Variants in SH3KBP1 observed in about 807,000 individuals in gnomAD.
The protein encoded by SH3KBP1 is SH3 domain containing kinase binding protein 1.
SH3KBP1 carries 8 observed loss-of-function variants against 50.1 expected under a neutral mutation model. The ratio of observed to expected loss-of-function variants is 0.16; its 90% CI spans 0.09 to 0.29. SH3KBP1 has a LOEUF of 0.29. Ranked by LOEUF, SH3KBP1 falls within the 10% of genes least tolerant of loss-of-function variation. The probability of loss-of-function intolerance (pLI) is 1.00; values close to 1 mark genes in which losing one functional copy is unlikely to be tolerated. For synonymous variants in SH3KBP1, 227 were observed against 218.6 expected (o/e 1.04, Z -0.34); for missense variants, 377 against 535.2 (o/e 0.70, Z 2.92).
At chrX:19,886,466 A>G (rs1306653624) in intron 1 of SH3KBP1, among the ~76,000 whole-genome samples, 1 of 112,025 alleles carries the variant, frequency 8.9e-6, no homozygotes. Context: ...CCTTGCCAAT[A>G]AAGTGGCAGC....
chrX:19,737,214 A>T (rs1482406381), intron 3 of SH3KBP1, among the ~76,000 whole-genome samples: 1 of 111,256 alleles, frequency 9.0e-6, no homozygotes, highest in Non-Finnish European at 1.9e-5. Flanking sequence ...ACCTGGCCTG[A>T]TTACCTTTCA....
intron 2 of SH3KBP1, among the ~76,000 whole-genome samples, chrX:19,822,004 T>C (rs190558551): frequency 1.8e-5 from 2 of 112,698 alleles, no homozygotes; most frequent in East Asian, 5.5e-4. Context: ...TGTTGTACAC[T>C]TCCTTCTGGA....
At chrX:19,622,808 C>T (rs1362364133) in intron 8 of SH3KBP1, among the ~76,000 whole-genome samples, 1 of 111,970 alleles carries the variant, frequency 8.9e-6, no homozygotes, top group Non-Finnish European at 1.9e-5. Flanking sequence ...TTTGGGAGGC[C>T]AAGGCAGGCG....
At chrX:19,775,981 G>A (rs2065958006) in intron 2 of SH3KBP1, among the ~76,000 whole-genome samples, 1 of 111,240 alleles carries the variant, frequency 9.0e-6, no homozygotes, top group African/African-American at 3.3e-5. Context: ...CCAAGAATAA[G>A]ATGTTGTCCT....
chrX:19,703,807 TAATA>T (rs1174864715), intron 4 of SH3KBP1, among the ~76,000 whole-genome samples: 1 of 104,805 alleles, frequency 9.5e-6, no homozygotes, highest in Non-Finnish European at 2.0e-5. Flanking sequence ...AATAAAAATA[TAATA>T]TATACATACA....
At chrX:19,804,495 T>C (rs964618991) in intron 2 of SH3KBP1, among the ~76,000 whole-genome samples, 1 of 111,575 alleles carries the variant, frequency 9.0e-6, no homozygotes, top group Non-Finnish European at 1.9e-5. Context: ...CATGTAGTTT[T>C]GGAGTGGAAG....
At chrX:19,625,609 G>A (rs1280821414) in intron 8 of SH3KBP1, among the ~76,000 whole-genome samples, 1 of 111,937 alleles carries the variant, frequency 8.9e-6, no homozygotes, top group African/African-American at 3.2e-5. Flanking sequence ...CTAACAGATC[G>A]GAAACATAGA....
intron 1 of SH3KBP1, among the ~76,000 whole-genome samples, chrX:19,857,797 A>C (rs1253327233): frequency 9.0e-6 from 1 of 111,593 alleles, no homozygotes; most frequent in African/African-American, 3.3e-5. Flanking sequence ...AAACGGCCTT[A>C]ATTAAAGATG....
Position 19,643,320 on chromosome X carries a change from TTA to T in SH3KBP1, c.802+2078_802+2079del, listed in dbSNP as rs1459885654. Among the ~76,000 whole-genome samples the T allele has an allele frequency of 3.8e-4, 33 of 86,720 alleles. 3 individuals carry two copies. The highest frequency in any genetic ancestry group is 1.6e-3 in the African/African-American group (24 of 15,395). The allele number at this position is 86,720 out of a possible 115,157, so 75.3% of individuals were successfully genotyped here. A position where few individuals can be genotyped will look rare whatever the true frequency, so the allele number is the denominator to read the frequency against. ...GAAGAATTTTTTATTTTTTTTTTTT[TTA>T]TTTTTTTTTTTTTTTGAGACAGGGT... On this transcript the variant is annotated intron_variant, in intron 7 of 17. Coordinates refer to ENST00000397821, the MANE Select transcript of SH3KBP1 (RefSeq NM_031892.3).
intron 1 of SH3KBP1, among the ~76,000 whole-genome samples, chrX:19,878,489 TG>T (rs2069321898): frequency 2.5e-5 from 2 of 80,550 alleles, no homozygotes; most frequent in Non-Finnish European, 4.3e-5. Flanking sequence ...TGTGTGTGTG[TG>T]TGTGTGTGTG....
rs185156130 is a variant in SH3KBP1 at position 19,706,600 on chromosome X, A to C, written c.390+281T>G. Among the ~76,000 whole-genome samples, 18 of 110,792 alleles carry C rather than the reference A, an allele frequency of 1.6e-4. No homozygotes were observed. In the East Asian group the frequency reaches 5.1e-3, roughly 31 times the overall value. ...GATGCCCAGAGTCTATGCTCAATTC[A>C]AGTAGAAGAGAAACTTGGTGGCACT... is the stretch of plus-strand genomic sequence containing the variant. On this transcript the variant is annotated intron_variant, in intron 4 of 17. Transcript: ENST00000397821.
chrX:19,642,094 G>A (rs571805559), intron 7 of SH3KBP1, among the ~76,000 whole-genome samples: 29 of 111,842 alleles, frequency 2.6e-4, no homozygotes, highest in Middle Eastern at 4.6e-3. Flanking sequence ...CTCCCGCCTC[G>A]GCCCCCACGA....
At chrX:19,803,427 C>T (rs2066945634) in intron 2 of SH3KBP1, among the ~76,000 whole-genome samples, 1 of 111,681 alleles carries the variant, frequency 9.0e-6, no homozygotes, top group Non-Finnish European at 1.9e-5. Flanking sequence ...CCAGGTTGGT[C>T]TCAAACCCCT....
chrX:19,680,887 G>C (rs930093335), intron 6 of SH3KBP1, among the ~76,000 whole-genome samples: 8 of 111,898 alleles, frequency 7.1e-5, no homozygotes, highest in African/African-American at 2.3e-4. Flanking sequence ...GGCTCCACAT[G>C]AGAAATGGGT....
At chrX:19,623,519 C>CTACAAAAA (rs1445072233) in intron 8 of SH3KBP1, among the ~76,000 whole-genome samples, 9 of 111,758 alleles carry the variant, frequency 8.1e-5, no homozygotes, top group Non-Finnish European at 1.5e-4. Flanking sequence ...AACCCCGTCT[C>CTACAAAAA]TACAAAAATA....
At chrX:19,737,351 C>T (rs1156791000) in intron 3 of SH3KBP1, among the ~76,000 whole-genome samples, 1 of 111,266 alleles carries the variant, frequency 9.0e-6, no homozygotes. Context: ...CATGTTCGTT[C>T]GCCTGGGATG....
chrX:19,796,457 C>A (rs1418196548), intron 2 of SH3KBP1, among the ~76,000 whole-genome samples: 1 of 111,928 alleles, frequency 8.9e-6, no homozygotes, highest in Non-Finnish European at 1.9e-5. Flanking sequence ...TAGGTGGTGC[C>A]TTGGGCTAGC....
intron 8 of SH3KBP1, among the ~76,000 whole-genome samples, chrX:19,629,446 G>A (rs1043913943): frequency 1.3e-4 from 15 of 112,028 alleles, no homozygotes; most frequent in Non-Finnish European, 2.8e-4. Context: ...GTGGGTAGGG[G>A]ACACTGGAGT....
intron 3 of SH3KBP1, among the ~76,000 whole-genome samples, chrX:19,720,068 T>C (rs2064015146): frequency 9.1e-6 from 1 of 110,060 alleles, no homozygotes; most frequent in Admixed American, 9.8e-5. Flanking sequence ...CTTTTTTCCA[T>C]TTGGCTTTAC....
Sources: gnomAD v4.1 joint callset for allele counts (sites outside exome capture counted in the v4.1 genomes callset) on GRCh38, gnomAD v4.1.1 for gene constraint, MANE v1.5 for transcripts, NCBI Gene and HGNC (gene_info 2026-07-23, HGNC 2026-07-21) for gene names.